DAB1: variants seen among roughly 807,000 people sequenced by gnomAD.
DAB1 encodes the protein disabled homolog 1.
In DAB1, 15 loss-of-function variants were observed where a neutral mutation model predicts 64.6. That is an observed-to-expected ratio of 0.23 (90% CI 0.16 to 0.36). The LOEUF (loss-of-function observed/expected upper bound fraction) is 0.36. DAB1 is among the 10% of genes least tolerant of loss of function. The pLI is 1.00. For missense variants in DAB1, 596 were observed against 706.7 expected (o/e 0.84, Z 1.78); for synonymous variants, 235 against 251.9 (o/e 0.93, Z 0.64).
intron 7 of DAB1, among the ~76,000 whole-genome samples, chr1:57,442,951 AT>A (rs1410403819): frequency 1.3e-5 from 2 of 152,180 alleles, no homozygotes; most frequent in Non-Finnish European, 2.9e-5. Flanking sequence ...TACTTCAGGC[AT>A]TTCCTTCTAC....
At chr1:58,141,610 T>C (rs1282938023) in intron 5 of DAB1, among the ~76,000 whole-genome samples, 1 of 152,118 alleles carries the variant, frequency 6.6e-6, no homozygotes, top group African/African-American at 2.4e-5. Context: ...TCATGAGGGA[T>C]CTGCACTCAT....
chr1:57,034,645 T>A (rs1316270169), intron 9 of DAB1, among the ~76,000 whole-genome samples: 1 of 152,242 alleles, frequency 6.6e-6, no homozygotes, highest in Non-Finnish European at 1.5e-5. Context: ...ATATATCATA[T>A]ACATGTATAT....
intron 1 of DAB1, among the ~76,000 whole-genome samples, chr1:58,529,269 C>T (rs1164543798): frequency 6.6e-6 from 1 of 152,162 alleles, no homozygotes; most frequent in Non-Finnish European, 1.5e-5. Flanking sequence ...CCAGATGGCA[C>T]TCTGATGGGA....
chr1:57,556,732 T>C (rs1644993429), intron 7 of DAB1, among the ~76,000 whole-genome samples: 1 of 152,222 alleles, frequency 6.6e-6, no homozygotes, highest in Non-Finnish European at 1.5e-5. Flanking sequence ...CTGTGGGTTG[T>C]CTGTTTACTT....
intron 5 of DAB1, among the ~76,000 whole-genome samples, chr1:58,144,202 T>C (rs2100720457): frequency 6.6e-6 from 1 of 152,338 alleles, no homozygotes; most frequent in Non-Finnish European, 1.5e-5. Flanking sequence ...AGGCATGGGA[T>C]GGCCTTTGAT....
At chr1:57,623,177 C>T (rs1229973048) in intron 7 of DAB1, among the ~76,000 whole-genome samples, 23 of 152,152 alleles carry the variant, frequency 1.5e-4, no homozygotes, top group Admixed American at 1.5e-3. Context: ...CGCCTGGCAG[C>T]AGGGGGCCGG....
Position 57,120,952 on chromosome 1 carries a change from A to G in DAB1, c.306+15591T>C, listed in dbSNP as rs370067949. On this transcript the variant is annotated intron_variant, in intron 4 of 14. Coordinates refer to ENST00000371236, the MANE Select transcript of DAB1 (RefSeq NM_001365792.1). ...TGGAAGGACAAAAGAGAGATATCTA[A>G]CCTAGGTTTGTCAATCAGGGAAGAA... Among the ~76,000 whole-genome samples the G allele has an allele frequency of 3.3e-5, 5 of 152,072 alleles. No homozygotes were observed. In the East Asian group the frequency reaches 9.6e-4, roughly 29 times the overall value.
At chr1:58,234,249 T>C (rs954428808) in intron 4 of DAB1, among the ~76,000 whole-genome samples, 1 of 152,182 alleles carries the variant, frequency 6.6e-6, no homozygotes, top group Non-Finnish European at 1.5e-5. Context: ...ATTTAGCAAA[T>C]ATCTATCGAT....
At chr1:58,142,405 T>C (rs1429978222) in intron 5 of DAB1, among the ~76,000 whole-genome samples, 2 of 152,244 alleles carry the variant, frequency 1.3e-5, no homozygotes, top group Non-Finnish European at 2.9e-5. Flanking sequence ...TTCTTTTAGG[T>C]TCCTGAAAGG....
chr1:58,228,613 T>C (rs1257995082), intron 4 of DAB1: 2 of 675,964 alleles, frequency 3.0e-6, no homozygotes, highest in Admixed American at 4.7e-5. Context: ...GGGACCCAGA[T>C]ATGCCCCCTT....
intron 6 of DAB1, among the ~76,000 whole-genome samples, chr1:57,669,006 AT>A (rs1200291038): frequency 4.6e-5 from 7 of 152,058 alleles, no homozygotes; most frequent in African/African-American, 1.7e-4. Context: ...AGCTTTTGTG[AT>A]TATGTTTATG....
At chr1:57,739,719 C>T (rs1647888648) in intron 6 of DAB1, among the ~76,000 whole-genome samples, 1 of 151,016 alleles carries the variant, frequency 6.6e-6, no homozygotes, top group South Asian at 2.1e-4. Flanking sequence ...TCCCAAAGTG[C>T]TGGGATTATA....
intron 3 of DAB1, among the ~76,000 whole-genome samples, chr1:58,455,258 C>A (rs992756791): frequency 2.6e-5 from 4 of 152,230 alleles, no homozygotes; most frequent in Non-Finnish European, 4.4e-5. Context: ...ACTGGGAAAG[C>A]CCTGGGAGTG....
At chr1:58,504,143 C>G (rs572148690) in intron 3 of DAB1, among the ~76,000 whole-genome samples, 1 of 152,290 alleles carries the variant, frequency 6.6e-6, no homozygotes, top group East Asian at 1.9e-4. Flanking sequence ...CAAGTCACTC[C>G]TCTGCTCAAT....
intron 9 of DAB1, 50 bp downstream of exon 9, chr1:57,062,834 G>T (rs372957588): frequency 1.4e-6 from 2 of 1,473,616 alleles, no homozygotes; most frequent in African/African-American, 1.4e-5. Flanking sequence ...GACAGCCTCA[G>T]TGTGAATCCA....
intron 6 of DAB1, among the ~76,000 whole-genome samples, chr1:57,664,332 A>G (rs1255772742): frequency 6.6e-6 from 1 of 152,206 alleles, no homozygotes; most frequent in Non-Finnish European, 1.5e-5. Flanking sequence ...AGATATATTA[A>G]TATATTCAAG....
intron 2 of DAB1, among the ~76,000 whole-genome samples, chr1:57,274,962 AGAGGCAAGGGAGCATAAG>A (rs1226600310): frequency 1.3e-5 from 2 of 151,942 alleles, no homozygotes; most frequent in African/African-American, 4.8e-5. Context: ...TTCCTCTTTA[AGAGGCAAGGGAGCATAAG>A]GAGGAGGAAG....
At chr1:57,051,575 C>T (rs1044792506) in intron 9 of DAB1, among the ~76,000 whole-genome samples, 2 of 152,164 alleles carry the variant, frequency 1.3e-5, no homozygotes, top group Admixed American at 6.5e-5. Context: ...CAACCAAATA[C>T]TGATTGCTTG....
At chr1:57,543,143 C>T (rs1256545083) in intron 7 of DAB1, among the ~76,000 whole-genome samples, 3 of 152,148 alleles carry the variant, frequency 2.0e-5, no homozygotes, top group African/African-American at 7.2e-5. Flanking sequence ...GACTCCTGAC[C>T]CTCAGGAATC....
Sources: allele counts gnomAD v4.1 joint callset (sites outside exome capture counted in the v4.1 genomes callset), GRCh38; gene constraint gnomAD v4.1.1; transcripts MANE v1.5; gene names NCBI Gene and HGNC (gene_info 2026-07-23, HGNC 2026-07-21).